Variants in EXTL3 observed in about 807,000 individuals in gnomAD.
EXTL3 encodes exostosin like glycosyltransferase 3.
In EXTL3, 27 loss-of-function variants were observed where a neutral mutation model predicts 69.3. The observed-to-expected ratio is 0.39, with a 90% CI of 0.29 to 0.54. The LOEUF (loss-of-function observed/expected upper bound fraction) is 0.54, where lower values mean the gene tolerates loss of function less well. Among genes scored for constraint, EXTL3 ranks in the 20% least tolerant of loss-of-function variants. EXTL3 has a pLI of 0.69. For synonymous variants in EXTL3, 511 were observed against 499.4 expected (o/e 1.02, Z -0.31); for missense variants, 1,003 against 1,231.8 (o/e 0.81, Z 2.78).
In EXTL3 at chr8:28,610,576, G is replaced by A. The variant is rs536684607; in HGVS notation, n.314+2818G>A. Among the ~76,000 whole-genome samples, 28 of 152,122 alleles carry A rather than the reference G, an allele frequency of 1.8e-4. No individual in the cohort carries two copies. The East Asian group carries it at 2.7e-3, about 15-fold the overall frequency. On this transcript the variant is annotated intron_variant and non_coding_transcript_variant, in intron 2 of 4. Coordinates refer to the EXTL3 transcript ENST00000522725. ...AAAACAAAGAAAAATAACAGTTATC[G>A]GGCGCTTTCATGTGTCAGCCCTACA...
chr8:28,719,373 A>G (rs894362096), intron 3 of EXTL3, among the ~76,000 whole-genome samples: 1 of 152,214 alleles, frequency 6.6e-6, no homozygotes, highest in East Asian at 1.9e-4. Flanking sequence ...GTTAAAGGAG[A>G]TGGAAGCCAG....
At chr8:28,721,872 GA>G (rs1801298589) in intron 3 of EXTL3, among the ~76,000 whole-genome samples, 1 of 152,144 alleles carries the variant, frequency 6.6e-6, no homozygotes, top group Non-Finnish European at 1.5e-5. Flanking sequence ...GGGCTGTTAG[GA>G]AAGGGACATC....
In EXTL3 at chr8:28,755,035, C is replaced by A. The variant is rs1406688041; in HGVS notation, c.*4169C>A. On this transcript the variant is annotated 3_prime_UTR_variant, in exon 7 of 7. Transcript: ENST00000220562. Reference sequence around the variant, plus strand: ...CTGGTGGAGAGCAAGTTATCTATTACTATTTTAGGCTCTAATCCCACCATA... The same window carrying A: ...CTGGTGGAGAGCAAGTTATCTATTAATATTTTAGGCTCTAATCCCACCATA... 6.6e-6 allele frequency: 1 copy of A among 152,240 alleles called. No homozygotes were observed. Among genetic ancestry groups the A allele is most frequent in the Non-Finnish European group, 1.5e-5 (1 of 68,044 alleles). 9.4% of individuals were successfully genotyped at this position (152,240 alleles called of 1,614,324 possible). A position where few individuals can be genotyped will look rare whatever the true frequency, so the allele number is the denominator to read the frequency against.
At chr8:28,640,129 C>T (rs1423634936) in intron 1 of EXTL3, among the ~76,000 whole-genome samples, 1 of 152,050 alleles carries the variant, frequency 6.6e-6, no homozygotes, top group African/African-American at 2.4e-5. Flanking sequence ...ATCCATACCC[C>T]TCTGCAGACT....
intron 2 of EXTL3, among the ~76,000 whole-genome samples, chr8:28,610,188 G>T (rs1444646316): frequency 1.3e-5 from 2 of 150,668 alleles, no homozygotes; most frequent in East Asian, 1.9e-4. Context: ...GAGCGACAGA[G>T]CGAGACTCCA....
intron 1 of EXTL3, among the ~76,000 whole-genome samples, chr8:28,695,806 G>T (rs2130685851): frequency 6.6e-6 from 1 of 152,294 alleles, no homozygotes; most frequent in African/African-American, 2.4e-5. Context: ...GGGGCATAAT[G>T]GTGGTGGTGA....
At chr8:28,665,650 C>T (rs1039415788) in intron 1 of EXTL3, among the ~76,000 whole-genome samples, 2 of 152,030 alleles carry the variant, frequency 1.3e-5, no homozygotes, top group African/African-American at 4.8e-5. Flanking sequence ...TCGGGCAATC[C>T]GTCCATCTCA....
intron 1 of EXTL3, among the ~76,000 whole-genome samples, chr8:28,650,483 G>T (rs1323207634): frequency 6.6e-6 from 1 of 151,490 alleles, no homozygotes; most frequent in Non-Finnish European, 1.5e-5. Context: ...TCAGCCTCCC[G>T]AGCAGCTGGG....
chr8:28,690,895 C>G (rs1425850501), intron 1 of EXTL3, among the ~76,000 whole-genome samples: 1 of 152,112 alleles, frequency 6.6e-6, no homozygotes, highest in Non-Finnish European at 1.5e-5. Context: ...GACTTCACAA[C>G]TGTGTGAATA....
chr8:28,674,899 T>C (rs1807354485), intron 1 of EXTL3, among the ~76,000 whole-genome samples: 1 of 152,074 alleles, frequency 6.6e-6, no homozygotes, highest in African/African-American at 2.4e-5. Flanking sequence ...GAAATAGTAA[T>C]GGCCTCCCCT....
chr8:28,737,689 A>G (rs1178075080), intron 5 of EXTL3, 26 bp downstream of exon 5: 2 of 1,613,584 alleles, frequency 1.2e-6, no homozygotes, highest in African/African-American at 2.7e-5. Flanking sequence ...TAATAATGGC[A>G]TCGACTTGGT....
intron 1 of EXTL3, among the ~76,000 whole-genome samples, chr8:28,712,856 TA>T (rs1291937991): frequency 3.3e-5 from 5 of 152,260 alleles, no homozygotes; most frequent in Admixed American, 6.5e-5. Context: ...AGACTAACTA[TA>T]GTCAGTCTCC....
intron 1 of EXTL3, among the ~76,000 whole-genome samples, chr8:28,628,327 A>C (rs1190727558): frequency 2.0e-5 from 3 of 152,146 alleles, no homozygotes; most frequent in Non-Finnish European, 4.4e-5. Context: ...GTAACACTGC[A>C]CTCCAGCCTG....
chr8:28,656,798 C>T (rs1322993429), intron 1 of EXTL3, among the ~76,000 whole-genome samples: 1 of 152,088 alleles, frequency 6.6e-6, no homozygotes, highest in East Asian at 1.9e-4. Flanking sequence ...CCTTTCATAA[C>T]CCCTAAAGAG....
At position 28,716,644 on chromosome 8, in the gene EXTL3, G is replaced by A. The variant is rs754413534; in HGVS notation, c.585G>A (p.Pro195=). The stretch of plus-strand genomic sequence containing the variant: ...GTTGCCCTCTCACCTCTGGCTTCCC[G>A]GTCTACGTCTATGACAGTGACCAGT... ...YSRCPLTSGF[P]VYVYDSDQFV... The change falls in exon 3 of 7, where the codon CCG becomes CCA. Residue 195 remains proline, a synonymous_variant. Coordinates refer to ENST00000220562, the MANE Select transcript of EXTL3 (RefSeq NM_001440.4). This position sits in a 1 kb window ranked among gnomAD's most constrained non-coding sequence, Gnocchi z 7.1. 3.7e-6 allele frequency: 6 copies of A among 1,614,064 alleles called. No individual in the cohort carries two copies. Among genetic ancestry groups the A allele is most frequent in the East Asian group, 4.5e-5 (2 of 44,904 alleles).
chr8:28,724,798 T>A (rs1801375955), intron 3 of EXTL3, among the ~76,000 whole-genome samples: 1 of 152,052 alleles, frequency 6.6e-6, no homozygotes, highest in Non-Finnish European at 1.5e-5. Flanking sequence ...AGACTCCATC[T>A]CAATAATAAT....
intron 1 of EXTL3, among the ~76,000 whole-genome samples, chr8:28,651,675 TTTCTC>T (rs1272332028): frequency 1.3e-5 from 2 of 152,156 alleles, no homozygotes; most frequent in Non-Finnish European, 2.9e-5. Flanking sequence ...ACATATTACT[TTTCTC>T]TTAAAAAATG....
intron 1 of EXTL3, among the ~76,000 whole-genome samples, chr8:28,661,831 G>C (rs1285441691): frequency 6.6e-6 from 1 of 151,740 alleles, no homozygotes; most frequent in East Asian, 1.9e-4. Flanking sequence ...GTTGCAGTGA[G>C]CCAAGGTTGC....
chr8:28,662,014 A>G (rs1354228022), intron 1 of EXTL3, among the ~76,000 whole-genome samples: 1 of 151,366 alleles, frequency 6.6e-6, no homozygotes, highest in Non-Finnish European at 1.5e-5. Flanking sequence ...ACTTATATAA[A>G]CTATAGAGGG....
Sources: gnomAD v4.1 joint callset for allele counts (sites outside exome capture counted in the v4.1 genomes callset) on GRCh38, gnomAD v4.1.1 for gene constraint, Gnocchi (gnomAD v3.1) non-coding constraint, MANE v1.5 for transcripts, NCBI Gene and HGNC (gene_info 2026-07-23, HGNC 2026-07-21) for gene names.